Variants in ZSWIM4 observed in about 807,000 individuals in gnomAD.
ZSWIM4 encodes the protein zinc finger SWIM domain-containing protein 4.
A neutral mutation model predicts 102.5 loss-of-function variants in ZSWIM4; 62 were observed. That is an observed-to-expected ratio of 0.60 (90% confidence interval 0.49 to 0.75). The LOEUF is 0.75. ZSWIM4 is among the 30% of genes least tolerant of loss of function. The probability of loss-of-function intolerance (pLI) is 0.00; values close to 1 mark genes in which losing one functional copy is unlikely to be tolerated. For synonymous variants in ZSWIM4, 652 were observed against 674.5 expected (o/e 0.97, Z 0.52); for missense variants, 1,280 against 1,529.6 (o/e 0.84, Z 2.72).
At chr19:13,800,089 A>G (rs1466949001) in intron 2 of ZSWIM4, among the ~76,000 whole-genome samples, 168 bp downstream of exon 2, 1 of 51,608 alleles carries the variant, frequency 1.9e-5, no homozygotes, top group African/African-American at 3.8e-4. Context: ...TTTTTTTGAG[A>G]CGGAGTCTCG....
Position 13,825,039 on chromosome 19 carries a change from CT to C in ZSWIM4, c.2216-507del, listed in dbSNP as rs1975568388. 8.3e-6 allele frequency among the ~76,000 whole-genome samples: 1 copy of C among 120,044 alleles called. No homozygotes were observed. The highest frequency in any genetic ancestry group is 4.2e-5 in the African/African-American group (1 of 23,584). 78.8% of individuals were successfully genotyped at this position (120,044 alleles called of 152,430 possible). On this transcript the variant is annotated intron_variant, in intron 11 of 13. Transcript: ENST00000590508. The surrounding 1 kb of genome is among the most constrained non-coding windows in gnomAD (Gnocchi z 4.6). ...TCCATAGGATCCCTAGGTGGCTTTT[CT>C]TTTCTTTTTTTTTTTTTTGAGATGG...
Position 13,795,737 on chromosome 19 carries a change from G to GCCGGCC in ZSWIM4, c.91_96dup (p.Arg31_Pro32dup). On this transcript the variant is annotated inframe_insertion, in exon 1 of 14. Coordinates refer to ENST00000590508, the MANE Select transcript of ZSWIM4 (RefSeq NM_001367834.3). Reference sequence around the variant, plus strand: ...GGGGCCGGGGCCGCGCGTGGCCGGGGCCGGCCCGAGGCGCTGCTGGACCTC... The same window carrying GCCGGCC: ...GGGGCCGGGGCCGCGCGTGGCCGGGGCCGGCCCCGGCCCGAGGCGCTGCTGGACCTC... 8.2e-7 allele frequency: 1 copy of GCCGGCC among 1,222,998 alleles called. No homozygotes were observed. Among genetic ancestry groups the GCCGGCC allele is most frequent in the Non-Finnish European group, 1.0e-6 (1 of 981,540 alleles). 75.8% of individuals were successfully genotyped at this position (1,222,998 alleles called of 1,614,324 possible). A position where few individuals can be genotyped will look rare whatever the true frequency, so the allele number is the denominator to read the frequency against.
At chr19:13,828,039 G>A (rs1975659372) in intron 12 of ZSWIM4, among the ~76,000 whole-genome samples, 2 of 152,182 alleles carry the variant, frequency 1.3e-5, no homozygotes, top group African/African-American at 2.4e-5. Context: ...GATATTAAGA[G>A]CTGACATTAC....
chr19:13,823,074 C>T (rs918939271), intron 10 of ZSWIM4, among the ~76,000 whole-genome samples: 3 of 152,096 alleles, frequency 2.0e-5, no homozygotes, highest in Non-Finnish European at 2.9e-5. Context: ...TTACTTGAGC[C>T]GAGAAGTTTG....
rs1167857094 is a variant in ZSWIM4 at position 13,795,863 on chromosome 19, TCTC to T, written c.153+67_153+69del. 46 of 1,081,954 alleles carry T rather than the reference TCTC, an allele frequency of 4.3e-5. No individual in the cohort carries two copies. The African/African-American group carries it at 7.0e-4, about 17-fold the overall frequency. The allele number at this position is 1,081,954 out of a possible 1,614,324, so 67.0% of individuals were successfully genotyped here. A position where few individuals can be genotyped will look rare whatever the true frequency, so the allele number is the denominator to read the frequency against. Reference sequence around the variant, plus strand: ...CCCCCAGCACCTTCCCCACCTGTCTTCTCCTCCCCCACAATCCCCAGACTCCAG... The same window carrying T: ...CCCCCAGCACCTTCCCCACCTGTCTTCTCCCCCACAATCCCCAGACTCCAG... On this transcript the variant is annotated intron_variant, in intron 1 of 13. Coordinates refer to ENST00000590508, the MANE Select transcript of ZSWIM4 (RefSeq NM_001367834.3).
chr19:13,824,014 G>A (rs1437464111), intron 11 of ZSWIM4, among the ~76,000 whole-genome samples: 2 of 151,726 alleles, frequency 1.3e-5, no homozygotes, highest in Non-Finnish European at 2.9e-5. Context: ...GTTGAGAGTT[G>A]GGGGGAGTGA....
chr19:13,813,659 G>A (rs751167858), intron 6 of ZSWIM4, among the ~76,000 whole-genome samples: 19 of 151,922 alleles, frequency 1.3e-4, no homozygotes, highest in Non-Finnish European at 2.1e-4. Flanking sequence ...GGTGTCTCAC[G>A]CCTGTAATCC....
At chr19:13,816,408 G>A (rs1192073929) in intron 7 of ZSWIM4, among the ~76,000 whole-genome samples, 1 of 152,130 alleles carries the variant, frequency 6.6e-6, no homozygotes, top group African/African-American at 2.4e-5. Context: ...TGGAGTGCCT[G>A]AGGTCAGGAG....
intron 10 of ZSWIM4, 63 bp downstream of exon 10, chr19:13,819,555 G>A (rs1975405478): frequency 2.0e-6 from 3 of 1,527,134 alleles, no homozygotes; most frequent in Non-Finnish European, 2.6e-6. Context: ...GGGCATGGGG[G>A]GTAGCTCAGA....
intron 10 of ZSWIM4, among the ~76,000 whole-genome samples, chr19:13,822,071 A>G (rs970761538): frequency 6.6e-6 from 1 of 151,574 alleles, no homozygotes; most frequent in Non-Finnish European, 1.5e-5. Flanking sequence ...ATGGGATCTC[A>G]TTACATTGCC....
chr19:13,822,153 CACACACACAT>C (rs1975482410), intron 10 of ZSWIM4, among the ~76,000 whole-genome samples: 1 of 136,966 alleles, frequency 7.3e-6, no homozygotes, highest in African/African-American at 2.8e-5. Context: ...CACACAAACA[CACACACACAT>C]ACACACACAC....
chr19:13,822,704 G>A (rs1269676583), intron 10 of ZSWIM4, among the ~76,000 whole-genome samples: 4 of 152,174 alleles, frequency 2.6e-5, no homozygotes, highest in Non-Finnish European at 5.9e-5. Flanking sequence ...TTAGGGCCAG[G>A]AGCCATGGTT....
intron 6 of ZSWIM4, among the ~76,000 whole-genome samples, chr19:13,813,680 G>A (rs190456960): frequency 2.0e-4 from 31 of 152,058 alleles, no homozygotes; most frequent in African/African-American, 7.2e-4. Flanking sequence ...CAGCACTTTG[G>A]GAAGCTGAGG....
In ZSWIM4 at chr19:13,818,049, T is replaced by C. The variant is rs545324679; in HGVS notation, c.1924+73T>C. ...GCCCCTGGTCCTGTAGCGGCCCGGT[T>C]GCTGCCAGATGGGAGGCCCCGCCCC... On this transcript the variant is annotated intron_variant, in intron 9 of 13. Coordinates refer to ENST00000590508, the MANE Select transcript of ZSWIM4 (RefSeq NM_001367834.3). 1.4e-5 allele frequency: 20 copies of C among 1,423,348 alleles called. No homozygotes were observed. The Admixed American group carries it at 5.0e-4, about 36-fold the overall frequency. 88.2% of individuals were successfully genotyped at this position (1,423,348 alleles called of 1,614,324 possible).
At chr19:13,828,954 G>T (rs562657778) in intron 13 of ZSWIM4, among the ~76,000 whole-genome samples, 2 of 152,112 alleles carry the variant, frequency 1.3e-5, no homozygotes, top group South Asian at 2.1e-4. Context: ...TTAAAAATTA[G>T]CTGGGCGTGG....
chr19:13,823,748 C>T (rs113170366), intron 11 of ZSWIM4, among the ~76,000 whole-genome samples: 20 of 152,218 alleles, frequency 1.3e-4, no homozygotes, highest in South Asian at 6.2e-4. Flanking sequence ...GTAAATGAGA[C>T]GGTAACAGGT....
In ZSWIM4 at chr19:13,831,249, G is replaced by C; in HGVS notation, c.*199G>C. On this transcript the variant is annotated 3_prime_UTR_variant, in exon 14 of 14. Transcript: ENST00000590508. ...GCAAGTGTGCAAGACTCCAGAAGCAGAAGCCATACTGCCACCCAGAAGCCT... is the reference window on the plus strand; with the variant it reads ...GCAAGTGTGCAAGACTCCAGAAGCACAAGCCATACTGCCACCCAGAAGCCT... The C allele has an allele frequency of 1.5e-6, 1 of 662,562 alleles. No individual in the cohort carries two copies. Among genetic ancestry groups the C allele is most frequent in the Non-Finnish European group, 2.4e-6 (1 of 416,342 alleles). 41.0% of individuals were successfully genotyped at this position (662,562 alleles called of 1,614,324 possible).
rs751925379 is a variant in ZSWIM4, at chr19:13,828,746, C to T, written c.2461+20C>T. The stretch of plus-strand genomic sequence containing the variant: ...AGATTGGTGAGAGCCCCTAAGGGGA[C>T]CTGCCACCCACTTCGCTGTTCTGGT... On this transcript the variant is annotated intron_variant, in intron 13 of 13. Transcript: ENST00000590508. 1.1e-5 allele frequency: 18 copies of T among 1,610,610 alleles called. No homozygotes were observed. Among genetic ancestry groups the T allele is most frequent in the Non-Finnish European group, 1.4e-5 (17 of 1,177,014 alleles).
At position 13,818,422 on chromosome 19, in the gene ZSWIM4, C is replaced by T. The variant is rs528219558; in HGVS notation, c.1924+446C>T. ...ATCCCTGCCCCTTCAAGGCCCCCTACGCTATCGGACTTGCTGGTCTTGGCC... is the reference window on the plus strand; with the variant it reads ...ATCCCTGCCCCTTCAAGGCCCCCTATGCTATCGGACTTGCTGGTCTTGGCC... On this transcript the variant is annotated intron_variant, in intron 9 of 13. Transcript: ENST00000590508. 2.4e-3 allele frequency among the ~76,000 whole-genome samples: 359 copies of T among 152,316 alleles called. 1 individual carries two copies. The highest frequency in any genetic ancestry group is 4.4e-3 in the Non-Finnish European group (302 of 68,026).
Sources: gnomAD v4.1 joint callset for allele counts (sites outside exome capture counted in the v4.1 genomes callset) on GRCh38, gnomAD v4.1.1 for gene constraint, Gnocchi (gnomAD v3.1) non-coding constraint, MANE v1.5 for transcripts, NCBI Gene and HGNC (gene_info 2026-07-23, HGNC 2026-07-21) for gene names.